Variants in CYFIP2 observed in about 807,000 individuals in gnomAD.
The protein encoded by CYFIP2 is cytoplasmic FMR1 interacting protein 2.
In CYFIP2, 29 loss-of-function variants were observed where a neutral mutation model predicts 158.7. That is an observed-to-expected ratio of 0.18 (90% CI 0.14 to 0.25). CYFIP2 has a LOEUF of 0.25. Ranked by LOEUF, CYFIP2 falls within the 10% of genes least tolerant of loss-of-function variation. CYFIP2 has a pLI of 1.00. For synonymous variants in CYFIP2, 585 were observed against 617.6 expected, an observed-to-expected ratio of 0.95 and a Z score of 0.78; for missense variants, 852 against 1,639.5, an observed-to-expected ratio of 0.52 and a Z score of 8.29.
At chr5:157,355,153 A>G (rs1188530926) in intron 23 of CYFIP2, among the ~76,000 whole-genome samples, 1 of 143,664 alleles carries the variant, frequency 7.0e-6, no homozygotes, top group Non-Finnish European at 1.5e-5. Context: ...AATGTTGAAT[A>G]AAATGCATTT....
At chr5:157,307,636 G>GGTGTGTGTGTGTGTGT (rs144622623) in intron 8 of CYFIP2, 125 bp from the exon 9 acceptor site, 181 of 428,556 alleles carry the variant, frequency 4.2e-4, no homozygotes, top group African/African-American at 2.6e-3. Flanking sequence ...GTCTCTACAG[G>GGTGTGTGTGTGTGTGT]GTGTGTGTGT....
At chr5:157,323,664 G>T (rs1760786693) in intron 15 of CYFIP2, among the ~76,000 whole-genome samples, 1 of 152,164 alleles carries the variant, frequency 6.6e-6, no homozygotes, top group African/African-American at 2.4e-5. Context: ...CACGCCCTTG[G>T]CCAAGCAGAG....
chr5:157,298,251 T>C (rs574637431), intron 5 of CYFIP2, among the ~76,000 whole-genome samples: 1 of 152,356 alleles, frequency 6.6e-6, no homozygotes, highest in Non-Finnish European at 1.5e-5. Context: ...ATATACCATA[T>C]AATTTGCCCA....
intron 3 of CYFIP2, among the ~76,000 whole-genome samples, chr5:157,288,884 C>G (rs1199570751): frequency 1.3e-5 from 2 of 152,094 alleles, no homozygotes; most frequent in African/African-American, 4.8e-5. Flanking sequence ...TTTGAAGGAA[C>G]CTTGAGAGAG....
chr5:157,347,935 G>A (rs746682208), intron 23 of CYFIP2, among the ~76,000 whole-genome samples: 6 of 152,216 alleles, frequency 3.9e-5, no homozygotes, highest in Non-Finnish European at 7.3e-5. Flanking sequence ...CTGAGCTGTC[G>A]CCGCTCACCA....
intron 6 of CYFIP2, among the ~76,000 whole-genome samples, chr5:157,301,752 G>T (rs528304164): frequency 1.3e-5 from 2 of 152,104 alleles, no homozygotes; most frequent in Non-Finnish European, 2.9e-5. Context: ...ACCATAATGA[G>T]ACCCCGTCTC....
At chr5:157,385,665 T>C (rs1766605265) in intron 28 of CYFIP2, among the ~76,000 whole-genome samples, 1 of 152,124 alleles carries the variant, frequency 6.6e-6, no homozygotes, top group Non-Finnish European at 1.5e-5. Flanking sequence ...TTCTCAATCT[T>C]TATTTTACCA....
chr5:157,293,689 TG>T (rs1758019605), intron 3 of CYFIP2, among the ~76,000 whole-genome samples: 1 of 152,238 alleles, frequency 6.6e-6, no homozygotes, highest in South Asian at 2.1e-4. Context: ...AATCACCTGA[TG>T]GGTTTTTCCT....
At chr5:157,290,898 G>A (rs550415492) in intron 3 of CYFIP2, among the ~76,000 whole-genome samples, 53 of 152,318 alleles carry the variant, frequency 3.5e-4, no homozygotes, top group South Asian at 1.0e-3. Flanking sequence ...GGGGAAGTAC[G>A]TAAACCACAT....
At chr5:157,340,926 C>A in intron 22 of CYFIP2, 144 bp from the exon 23 acceptor site, 1 of 706,118 alleles carries the variant, frequency 1.4e-6, no homozygotes. Flanking sequence ...GAGTTTAGTA[C>A]CTTTATAGTC....
chr5:157,382,077 T>G (rs1330358725), intron 26 of CYFIP2, among the ~76,000 whole-genome samples: 2 of 152,244 alleles, frequency 1.3e-5, no homozygotes, highest in Non-Finnish European at 2.9e-5. Flanking sequence ...CAATCTGGCC[T>G]GGGTTCTCGT....
intron 26 of CYFIP2, among the ~76,000 whole-genome samples, chr5:157,370,768 CAGTTTCCTGGCTAT>C (rs1764923283): frequency 6.6e-6 from 1 of 152,214 alleles, no homozygotes. Context: ...TTCTAGGCCA[CAGTTTCCTGGCTAT>C]AGATCTTTTC....
At chr5:157,323,316 C>T (rs1167006509) in intron 15 of CYFIP2, among the ~76,000 whole-genome samples, 1 of 152,154 alleles carries the variant, frequency 6.6e-6, no homozygotes, top group African/African-American at 2.4e-5. Context: ...GGGGCGCCAT[C>T]GCTCAGCCAT....
intron 20 of CYFIP2, among the ~76,000 whole-genome samples, chr5:157,332,148 T>G (rs1471362020): frequency 6.6e-6 from 1 of 152,208 alleles, no homozygotes. Flanking sequence ...GAAACACTTA[T>G]GGGAAGCCAG....
chr5:157,343,046 T>G, intron 23 of CYFIP2: 5 of 1,614,190 alleles, frequency 3.1e-6, no homozygotes, highest in Admixed American at 1.7e-5. Context: ...ATCCGGGGCC[T>G]CCTCTGGCCA....
At chr5:157,273,911 G>A (rs1286361261) in intron 1 of CYFIP2, among the ~76,000 whole-genome samples, 4 of 152,024 alleles carry the variant, frequency 2.6e-5, no homozygotes, top group Non-Finnish European at 4.4e-5. Flanking sequence ...AAGGTGGGTG[G>A]ATCACCTGAG....
At chr5:157,267,697 C>T (rs1016222433) in intron 1 of CYFIP2, among the ~76,000 whole-genome samples, 7 of 152,126 alleles carry the variant, frequency 4.6e-5, no homozygotes, top group Non-Finnish European at 8.8e-5. Flanking sequence ...GTCATTTGAC[C>T]GGAAAAGAAA....
intron 28 of CYFIP2, 172 bp downstream of exon 28, chr5:157,383,531 T>A: frequency 1.7e-6 from 1 of 581,736 alleles, no homozygotes. Flanking sequence ...GGAATGAGAT[T>A]TGCTGACTCT....
chr5:157,272,472 C>G (rs939036324), intron 1 of CYFIP2, among the ~76,000 whole-genome samples: 1 of 152,152 alleles, frequency 6.6e-6, no homozygotes, highest in Non-Finnish European at 1.5e-5. Flanking sequence ...GTATTGAAAG[C>G]CTTATAATGA....
Sources: allele counts gnomAD v4.1 joint callset (sites outside exome capture counted in the v4.1 genomes callset), GRCh38; gene constraint gnomAD v4.1.1; transcripts MANE v1.5; gene names NCBI Gene and HGNC (gene_info 2026-07-23, HGNC 2026-07-21).